The following AKAP12 variants were observed in gnomAD, a reference collection of about 807,000 sequenced individuals.
AKAP12 encodes the protein A-kinase anchor protein 12.
AKAP12 carries 32 observed loss-of-function variants against 79.9 expected under a neutral mutation model. That is an observed-to-expected ratio of 0.40 (90% confidence interval 0.30 to 0.54). AKAP12 has a LOEUF of 0.54. Ranked by LOEUF, AKAP12 falls within the 20% of genes least tolerant of loss-of-function variation. AKAP12 has a pLI of 0.48. For missense variants in AKAP12, 2,074 were observed against 2,177.0 expected, an observed-to-expected ratio of 0.95 and a Z score of 0.94; for synonymous variants, 808 against 857.0, an observed-to-expected ratio of 0.94 and a Z score of 1.00.
At chr6:151,310,793 A>G (rs921167780) in intron 3 of AKAP12, among the ~76,000 whole-genome samples, 1 of 152,190 alleles carries the variant, frequency 6.6e-6, no homozygotes, top group Non-Finnish European at 1.5e-5. Context: ...TCAGGTCTTC[A>G]TCCATTTGAA....
intron 2 of AKAP12, among the ~76,000 whole-genome samples, chr6:151,241,883 G>C (rs1796983665): frequency 6.7e-6 from 1 of 149,480 alleles, no homozygotes; most frequent in Non-Finnish European, 1.5e-5. Flanking sequence ...GACCTCCTTA[G>C]CTGCCCTAGT....
At chr6:151,263,767 C>T (rs1175699855) in intron 2 of AKAP12, among the ~76,000 whole-genome samples, 1 of 151,994 alleles carries the variant, frequency 6.6e-6, no homozygotes, top group African/African-American at 2.4e-5. Context: ...TTAGTAGAGA[C>T]AGGGTTTCAC....
Position 151,271,361 on chromosome 6 carries a change from G to A in AKAP12, c.162+30637G>A, listed in dbSNP as rs557060733. On this transcript the variant is annotated intron_variant, in intron 2 of 4. Coordinates refer to ENST00000402676, the MANE Select transcript of AKAP12 (RefSeq NM_005100.4). ...TTTTTTGAGAGGTTCTCATTCTGTC[G>A]CCCAGGCTACAGTAAAATGGAATGA... is the stretch of plus-strand genomic sequence containing the variant. Among the ~76,000 whole-genome samples the A allele has an allele frequency of 3.4e-3, 487 of 143,904 alleles. 3 individuals are homozygous for A. Among genetic ancestry groups the A allele is most frequent in the Non-Finnish European group, 5.4e-3 (360 of 66,678 alleles). The allele number at this position is 143,904 out of a possible 152,430, so 94.4% of individuals were successfully genotyped here.
At chr6:151,341,700 G>A in intron 3 of AKAP12, 1 of 1,248,782 alleles carries the variant, frequency 8.0e-7, no homozygotes, top group Non-Finnish European at 1.0e-6. Flanking sequence ...AGTAGCACGT[G>A]CACCCAAGCG....
chr6:151,252,336 C>T (rs1449236936), intron 2 of AKAP12, among the ~76,000 whole-genome samples: 3 of 151,930 alleles, frequency 2.0e-5, no homozygotes, highest in Non-Finnish European at 2.9e-5. Context: ...GCTGGGACTA[C>T]AGGTGCAGGC....
chr6:151,350,829 G>C lies in AKAP12; in HGVS notation c.2438G>C (p.Gly813Ala), dbSNP rs530775686. 1 of 1,614,082 alleles carries C rather than the reference G, an allele frequency of 6.2e-7. No homozygotes were observed. The highest frequency in any genetic ancestry group is 1.1e-5 in the South Asian group (1 of 91,074). Reference protein sequence around the residue: ...SWVSIKKFIPGRRKKRPDGKQ... With the variant: ...SWVSIKKFIPARRKKRPDGKQ... ...GTCTCAATCAAGAAGTTTATTCCTG[G>C]ACGAAGGAAGAAAAGGCCAGATGGG... Residue 813 changes from glycine to alanine, a missense_variant, in exon 4 of 5, where the codon GGA becomes GCA. Physicochemically the swap from Gly to Ala is moderately conservative, Grantham distance 60 (BLOSUM62 0). This residue lies in a region of AKAP12 where 1,428 missense variants were observed against 1,451.0 expected (regional missense o/e 0.98). Coordinates refer to ENST00000402676, the MANE Select transcript of AKAP12 (RefSeq NM_005100.4). The surrounding 1 kb of genome is among the most constrained non-coding windows in gnomAD (Gnocchi z 4.8).
At chr6:151,312,625 A>T (rs1435923773) in intron 3 of AKAP12, among the ~76,000 whole-genome samples, 1 of 152,064 alleles carries the variant, frequency 6.6e-6, no homozygotes, top group African/African-American at 2.4e-5. Flanking sequence ...CTCCGTCTCT[A>T]CTAAAAATAC....
intron 3 of AKAP12, among the ~76,000 whole-genome samples, chr6:151,323,289 G>A (rs559434343): frequency 2.0e-5 from 3 of 152,318 alleles, no homozygotes; most frequent in Admixed American, 1.3e-4. Flanking sequence ...AGTGGCTCAT[G>A]CCTGTAGTCC....
At chr6:151,299,035 C>T (rs1469309003) in intron 2 of AKAP12, 1 of 152,104 alleles carries the variant, frequency 6.6e-6, no homozygotes, top group Non-Finnish European at 1.5e-5. Context: ...AAGGCGGAAG[C>T]AAATGTATAT....
chr6:151,322,877 C>T (rs1777432604), intron 3 of AKAP12, among the ~76,000 whole-genome samples: 1 of 152,240 alleles, frequency 6.6e-6, no homozygotes, highest in African/African-American at 2.4e-5. Flanking sequence ...TTGAGTGAAC[C>T]ATTCTGATTT....
intron 3 of AKAP12, chr6:151,348,215 T>A (rs1429927414): frequency 2.9e-5 from 10 of 346,794 alleles, no homozygotes; most frequent in Non-Finnish European, 5.1e-5. Context: ...TAATCCCAGC[T>A]AATCAGGAGG....
intron 3 of AKAP12, among the ~76,000 whole-genome samples, chr6:151,327,059 C>T (rs989670231): frequency 2.0e-5 from 3 of 151,938 alleles, no homozygotes; most frequent in African/African-American, 7.3e-5. Context: ...TTGTGATCTG[C>T]CCGCCTTGGT....
At chr6:151,303,894 C>T (rs1047732900) in intron 2 of AKAP12, among the ~76,000 whole-genome samples, 2 of 152,022 alleles carry the variant, frequency 1.3e-5, no homozygotes, top group Non-Finnish European at 2.9e-5. Context: ...TGTTGAGAGC[C>T]TCAAACAGAA....
At chr6:151,325,722 C>T (rs1582882725) in intron 3 of AKAP12, 2 of 1,511,114 alleles carry the variant, frequency 1.3e-6, no homozygotes, top group East Asian at 2.4e-5. Context: ...TCTCCCCCAT[C>T]CTCCGGGAGT....
intron 2 of AKAP12, chr6:151,298,906 C>G (rs987246290): frequency 2.0e-5 from 3 of 152,092 alleles, no homozygotes; most frequent in Non-Finnish European, 4.4e-5. Flanking sequence ...ATGTTAATTT[C>G]TGATAACCCA....
chr6:151,278,380 T>A (rs1776327541), intron 2 of AKAP12, among the ~76,000 whole-genome samples: 1 of 152,066 alleles, frequency 6.6e-6, no homozygotes, highest in South Asian at 2.1e-4. Context: ...CATGCCCAGC[T>A]AATTTTTGTG....
chr6:151,272,356 A>C (rs1484882474), intron 2 of AKAP12, among the ~76,000 whole-genome samples: 2 of 150,812 alleles, frequency 1.3e-5, no homozygotes, highest in Non-Finnish European at 2.9e-5. Context: ...AAAAAAAAAA[A>C]AAACAAAAAA....
At chr6:151,256,347 A>C (rs1797296885) in intron 2 of AKAP12, among the ~76,000 whole-genome samples, 1 of 152,160 alleles carries the variant, frequency 6.6e-6, no homozygotes, top group South Asian at 2.1e-4. Context: ...CAGGCTAGAG[A>C]AGAGAGCACA....
At chr6:151,355,543 T>C (rs6905507) in intron 4 of AKAP12, among the ~76,000 whole-genome samples, 184 bp from the exon 5 acceptor site, 117,113 of 151,768 alleles carry the variant, frequency 0.77, 45,374 homozygotes, top group Admixed American at 0.8. Flanking sequence ...CCTCATGATC[T>C]GCCCTCCTCA....
Sources: allele counts gnomAD v4.1 joint callset (sites outside exome capture counted in the v4.1 genomes callset), GRCh38; gene constraint gnomAD v4.1.1; regional missense constraint gnomAD v4.1.1; non-coding constraint Gnocchi (gnomAD v3.1); transcripts MANE v1.5; gene names NCBI Gene and HGNC (gene_info 2026-07-23, HGNC 2026-07-21).